The following TRPS1 variants were observed in gnomAD, a reference collection of about 807,000 sequenced individuals.
The protein encoded by TRPS1 is zinc finger transcription factor Trps1.
TRPS1 carries 6 observed loss-of-function variants against 101.2 expected under a neutral mutation model. The ratio of observed to expected loss-of-function variants is 0.06; its 90% CI spans 0.03 to 0.12. The LOEUF (loss-of-function observed/expected upper bound fraction) is 0.12, where lower values mean the gene tolerates loss of function less well. TRPS1 is among the 10% of genes least tolerant of loss of function. The pLI is 1.00. For synonymous variants in TRPS1, 578 were observed against 589.8 expected (o/e 0.98, Z 0.29); for missense variants, 1,363 against 1,567.0 (o/e 0.87, Z 2.20).
intron 5 of TRPS1, among the ~76,000 whole-genome samples, chr8:115,487,666 G>C (rs539144605): frequency 1.3e-5 from 2 of 152,304 alleles, no homozygotes; most frequent in African/African-American, 4.8e-5. Flanking sequence ...CGTGGAGTAA[G>C]TAACTATAGA....
chr8:115,583,338 T>C (rs1408206753), intron 5 of TRPS1, among the ~76,000 whole-genome samples: 1 of 151,174 alleles, frequency 6.6e-6, no homozygotes, highest in Non-Finnish European at 1.5e-5. Flanking sequence ...CTACTTAGTT[T>C]AAAATGATTA....
chr8:115,547,631 G>A (rs189693421), intron 5 of TRPS1, among the ~76,000 whole-genome samples: 57 of 152,188 alleles, frequency 3.7e-4, no homozygotes, highest in Non-Finnish European at 2.9e-4. Context: ...CTCCCAACCT[G>A]CCTCCCTCTA....
intron 4 of TRPS1, among the ~76,000 whole-genome samples, chr8:115,591,837 T>C (rs1185426907): frequency 6.6e-6 from 1 of 152,154 alleles, no homozygotes; most frequent in African/African-American, 2.4e-5. Context: ...CACACTTCTT[T>C]TGAAAGTTCA....
rs540853048 is a variant in TRPS1 at position 115,628,950 on chromosome 8, A to G, written c.-121-5192T>C. ...TACATTAGCGTTTACAGCTCTAAGA[A>G]GTCCTAGGGATTGGAGAGGGTGACG... On this transcript the variant is annotated intron_variant, in intron 1 of 6. Coordinates refer to ENST00000395715, the MANE Select transcript of TRPS1 (RefSeq NM_014112.5). 2.6e-5 allele frequency among the ~76,000 whole-genome samples: 4 copies of G among 151,996 alleles called. No homozygotes were observed. The South Asian group carries it at 8.3e-4, about 31-fold the overall frequency.
At chr8:115,583,453 T>C (rs1055950647) in intron 5 of TRPS1, among the ~76,000 whole-genome samples, 1 of 152,088 alleles carries the variant, frequency 6.6e-6, no homozygotes, top group Non-Finnish European at 1.5e-5. Flanking sequence ...ATAAAAACAC[T>C]GGGTTTTCAA....
rs922841562 is a variant in TRPS1, at chr8:115,514,325, C to T, written c.2700+72676G>A. Among the ~76,000 whole-genome samples, 39 of 151,738 alleles carry T rather than the reference C, an allele frequency of 2.6e-4. 1 individual carries two copies. The highest frequency in any genetic ancestry group is 7.5e-4 in the African/African-American group (31 of 41,464). ...GTGTAACACAATAATGAGGGGATTT[C>T]GGAGCTACGCTGAGTTGAATCCTGG... On this transcript the variant is annotated intron_variant, in intron 5 of 6. Coordinates refer to ENST00000395715, the MANE Select transcript of TRPS1 (RefSeq NM_014112.5).
intron 1 of TRPS1, among the ~76,000 whole-genome samples, chr8:115,649,084 T>TA (rs1415186295): frequency 6.6e-6 from 1 of 152,212 alleles, no homozygotes; most frequent in Non-Finnish European, 1.5e-5. Context: ...CTTAAACTAA[T>TA]AGAGTTCTTT....
At chr8:115,626,893 T>A (rs542477109) in intron 1 of TRPS1, among the ~76,000 whole-genome samples, 226 of 151,944 alleles carry the variant, frequency 1.5e-3, no homozygotes, top group Non-Finnish European at 2.6e-3. Context: ...TCATTTCAAA[T>A]GCACTTGTCT....
intron 1 of TRPS1, among the ~76,000 whole-genome samples, chr8:115,644,864 C>T (rs906245836): frequency 3.3e-5 from 5 of 152,044 alleles, no homozygotes; most frequent in Non-Finnish European, 5.9e-5. Context: ...CCAACGAGCA[C>T]CAGAGAGACA....
At position 115,587,449 on chromosome 8, in the gene TRPS1, T is replaced by G. The variant is rs2130445509; in HGVS notation, c.2252A>C (p.Glu751Ala). The G allele has an allele frequency of 8.1e-6, 13 of 1,614,192 alleles. No homozygotes were observed. The highest frequency in any genetic ancestry group is 1.6e-4 in the Middle Eastern group (1 of 6,062). ...EDGHAISTIK[E>A]EPKIDFRVYN... ...GACCCTGAAGTCAATTTTGGGCTCC[T>G]CTTTGATGGTGGATATGGCATGACC... The change falls in exon 5 of 7, where the codon GAG becomes GCG. Residue 751 changes from glutamate to alanine, a missense_variant. This residue lies in a region of TRPS1 where 1,020 missense variants were observed against 1,073.0 expected (regional missense o/e 0.95). Coordinates refer to ENST00000395715, the MANE Select transcript of TRPS1 (RefSeq NM_014112.5).
chr8:115,521,289 C>T (rs1287692387), intron 5 of TRPS1, among the ~76,000 whole-genome samples: 1 of 151,786 alleles, frequency 6.6e-6, no homozygotes, highest in Non-Finnish European at 1.5e-5. Flanking sequence ...AACTACGATT[C>T]TCTATTATCC....
intron 5 of TRPS1, among the ~76,000 whole-genome samples, chr8:115,457,263 A>G (rs774659085): frequency 1.7e-4 from 26 of 152,240 alleles, no homozygotes; most frequent in Admixed American, 9.2e-4. Context: ...ATACAATAGA[A>G]TATTATACAG....
intron 5 of TRPS1, among the ~76,000 whole-genome samples, chr8:115,521,367 A>G (rs1346849226): frequency 6.6e-6 from 1 of 151,802 alleles, no homozygotes; most frequent in East Asian, 1.9e-4. Context: ...GCAAGAACAT[A>G]TTTCATACAC....
At chr8:115,667,798 T>C (rs935172046) in intron 1 of TRPS1, 6 of 1,521,342 alleles carry the variant, frequency 3.9e-6, no homozygotes, top group Non-Finnish European at 5.3e-6. Flanking sequence ...AGTCCTGTGC[T>C]GTTTTCCCAC....
chr8:115,621,382 T>C (rs1818389257), intron 2 of TRPS1, among the ~76,000 whole-genome samples: 1 of 152,222 alleles, frequency 6.6e-6, no homozygotes, highest in Non-Finnish European at 1.5e-5. Flanking sequence ...CAAAACATGC[T>C]GAGAAAATCT....
At chr8:115,660,878 C>G (rs768426865) in intron 1 of TRPS1, among the ~76,000 whole-genome samples, 21 of 151,858 alleles carry the variant, frequency 1.4e-4, no homozygotes, top group Middle Eastern at 6.3e-3. Flanking sequence ...ACCCTCAAAA[C>G]CAGTATTACA....
chr8:115,513,811 T>C (rs765977643), intron 5 of TRPS1, among the ~76,000 whole-genome samples: 2 of 151,638 alleles, frequency 1.3e-5, no homozygotes, highest in Non-Finnish European at 3.0e-5. Flanking sequence ...AGCACACTCC[T>C]ATATTATAGG....
chr8:115,575,397 A>G (rs544201937), intron 5 of TRPS1, among the ~76,000 whole-genome samples: 1 of 152,184 alleles, frequency 6.6e-6, no homozygotes, highest in Non-Finnish European at 1.5e-5. Flanking sequence ...GTGCATGTCT[A>G]TGTGTGTGAG....
intron 1 of TRPS1, among the ~76,000 whole-genome samples, chr8:115,642,551 T>G (rs1397842057): frequency 6.6e-6 from 1 of 151,940 alleles, no homozygotes; most frequent in African/African-American, 2.4e-5. Flanking sequence ...AAGCCTCCAA[T>G]TATGAAACTT....
Sources: allele counts gnomAD v4.1 joint callset (sites outside exome capture counted in the v4.1 genomes callset), GRCh38; gene constraint gnomAD v4.1.1; regional missense constraint gnomAD v4.1.1; transcripts MANE v1.5; gene names NCBI Gene and HGNC (gene_info 2026-07-23, HGNC 2026-07-21).